Variants in DSCAML1 observed in about 807,000 individuals in gnomAD.
DSCAML1 encodes the protein DS cell adhesion molecule like 1.
Under a neutral mutation model 200.5 loss-of-function variants are expected in DSCAML1, and 38 were observed. The observed-to-expected ratio is 0.19, with a 90% CI of 0.15 to 0.25. The LOEUF (loss-of-function observed/expected upper bound fraction) is 0.25. DSCAML1 is among the 10% of genes least tolerant of loss of function. The pLI, the probability that DSCAML1 is intolerant of heterozygous loss-of-function variation, is 1.00. For missense variants in DSCAML1, 2,223 were observed against 2,858.8 expected, an observed-to-expected ratio of 0.78 and a Z score of 5.07; for synonymous variants, 1,215 against 1,165.0, an observed-to-expected ratio of 1.04 and a Z score of -0.87.
chr11:117,568,760 AG>A (rs1418168563), intron 3 of DSCAML1, among the ~76,000 whole-genome samples: 2 of 152,226 alleles, frequency 1.3e-5, no homozygotes, highest in Non-Finnish European at 2.9e-5. Context: ...GCTCACGGGT[AG>A]GAAGAATCAA....
chr11:117,562,209 T>C (rs1004204605), intron 3 of DSCAML1, among the ~76,000 whole-genome samples: 3 of 152,162 alleles, frequency 2.0e-5, no homozygotes, highest in African/African-American at 7.2e-5. Context: ...TGTCCTGCCA[T>C]GTGGAGTCTG....
intron 5 of DSCAML1, among the ~76,000 whole-genome samples, chr11:117,521,765 G>A (rs961028514): frequency 1.3e-5 from 2 of 151,988 alleles, no homozygotes; most frequent in Non-Finnish European, 2.9e-5. Flanking sequence ...CAGAAACCGG[G>A]GGGGGCACCC....
chr11:117,717,998 C>T (rs530547698), intron 3 of DSCAML1, among the ~76,000 whole-genome samples: 1 of 152,292 alleles, frequency 6.6e-6, no homozygotes, highest in Admixed American at 6.5e-5. Context: ...CCAGGTGAGG[C>T]GGTGTGTCAA....
At chr11:117,491,466 C>T (rs762759275) in intron 11 of DSCAML1, among the ~76,000 whole-genome samples, 4 of 152,184 alleles carry the variant, frequency 2.6e-5, no homozygotes, top group Admixed American at 6.5e-5. Flanking sequence ...TCATCCATGA[C>T]GTAAGAATGT....
chr11:117,473,637 A>C (rs1018027509), intron 14 of DSCAML1, among the ~76,000 whole-genome samples: 14 of 152,228 alleles, frequency 9.2e-5, no homozygotes, highest in African/African-American at 3.4e-4. Context: ...AACACCACTT[A>C]TAGCTGCTCA....
At chr11:117,746,401 G>T (rs2054518892) in intron 3 of DSCAML1, among the ~76,000 whole-genome samples, 1 of 152,164 alleles carries the variant, frequency 6.6e-6, no homozygotes, top group Admixed American at 6.5e-5. Context: ...CCAGCTGGTA[G>T]TGTGGTTGAG....
intron 3 of DSCAML1, among the ~76,000 whole-genome samples, chr11:117,609,393 G>C (rs1019677943): frequency 6.7e-6 from 1 of 149,570 alleles, no homozygotes; most frequent in Non-Finnish European, 1.5e-5. Context: ...CTGCAGACTT[G>C]ACCTCCTGGG....
intron 3 of DSCAML1, among the ~76,000 whole-genome samples, chr11:117,715,431 C>CT (rs1251656883): frequency 5.9e-5 from 9 of 152,140 alleles, no homozygotes; most frequent in East Asian, 5.8e-4. Flanking sequence ...CAATGGGACT[C>CT]TTTTTTTTGG....
At chr11:117,685,311 G>A (rs1360829494) in intron 3 of DSCAML1, among the ~76,000 whole-genome samples, 1 of 152,176 alleles carries the variant, frequency 6.6e-6, no homozygotes, top group Non-Finnish European at 1.5e-5. Context: ...GGTCAGAGCT[G>A]GAATCCAGGC....
chr11:117,786,239 G>A (rs1015910065), intron 1 of DSCAML1, among the ~76,000 whole-genome samples: 1 of 152,232 alleles, frequency 6.6e-6, no homozygotes, highest in Non-Finnish European at 1.5e-5. Flanking sequence ...ATTTTTAATA[G>A]AAAATGGAAG....
At chr11:117,595,954 C>T (rs1419546837) in intron 3 of DSCAML1, among the ~76,000 whole-genome samples, 1 of 152,120 alleles carries the variant, frequency 6.6e-6, no homozygotes, top group Non-Finnish European at 1.5e-5. Context: ...CGTGTGGGAG[C>T]AGGAAATGTA....
intron 1 of DSCAML1, among the ~76,000 whole-genome samples, chr11:117,782,444 T>C (rs545632660): frequency 6.6e-6 from 1 of 152,324 alleles, no homozygotes; most frequent in South Asian, 2.1e-4. Context: ...GGCACTTTCT[T>C]GGAGAGGGGA....
intron 3 of DSCAML1, among the ~76,000 whole-genome samples, chr11:117,631,708 G>T (rs1033093067): frequency 6.6e-6 from 1 of 152,198 alleles, no homozygotes; most frequent in African/African-American, 2.4e-5. Context: ...GTGTGTGTGT[G>T]TGTATGCATG....
At chr11:117,467,191 A>ACACC (rs1180524359) in intron 16 of DSCAML1, among the ~76,000 whole-genome samples, 1 of 107,954 alleles carries the variant, frequency 9.3e-6, no homozygotes, top group Non-Finnish European at 1.7e-5. Flanking sequence ...GCGTGCACAC[A>ACACC]CACCTCCCCC....
At chr11:117,464,295 A>G (rs1310014538) in intron 17 of DSCAML1, among the ~76,000 whole-genome samples, 1 of 152,068 alleles carries the variant, frequency 6.6e-6, no homozygotes, top group Admixed American at 6.6e-5. Context: ...ATCAGGGGCC[A>G]TGTCCTTTTT....
intron 16 of DSCAML1, among the ~76,000 whole-genome samples, chr11:117,468,897 C>T (rs189538183): frequency 6.6e-6 from 1 of 152,344 alleles, no homozygotes; most frequent in Admixed American, 6.5e-5. Flanking sequence ...TGGGCTTTTC[C>T]TGTCAGGCGG....
intron 2 of DSCAML1, among the ~76,000 whole-genome samples, chr11:117,778,646 A>G (rs1460773437): frequency 1.3e-5 from 2 of 152,258 alleles, no homozygotes; most frequent in African/African-American, 4.8e-5. Context: ...CAAGTGACTT[A>G]ACTCTCTTTG....
At chr11:117,445,484 C>T (rs960794158) in intron 20 of DSCAML1, among the ~76,000 whole-genome samples, 5 of 152,210 alleles carry the variant, frequency 3.3e-5, no homozygotes, top group African/African-American at 1.2e-4. Flanking sequence ...GCCCTTCCTC[C>T]TGGGCATACA....
At position 117,428,080 on chromosome 11, in the gene DSCAML1, T is replaced by G; in HGVS notation, c.*248A>C. 3.6e-5 allele frequency: 15 copies of G among 415,910 alleles called. No homozygotes were observed. The highest frequency in any genetic ancestry group is 5.3e-5 in the East Asian group (1 of 19,040). 25.8% of individuals were successfully genotyped at this position (415,910 alleles called of 1,614,324 possible). On this transcript the variant is annotated 3_prime_UTR_variant, in exon 33 of 33. Coordinates refer to ENST00000651296, the MANE Select transcript of DSCAML1 (RefSeq NM_020693.4). ...ATATGTATATATATCTCCACACATA[T>G]TTTGTGGGGTGGGGGATTTGACTTG...
Sources: gnomAD v4.1 joint callset for allele counts (sites outside exome capture counted in the v4.1 genomes callset) on GRCh38, gnomAD v4.1.1 for gene constraint, MANE v1.5 for transcripts, NCBI Gene and HGNC (gene_info 2026-07-23, HGNC 2026-07-21) for gene names.